KCNMB2: variants seen among roughly 807,000 people sequenced by gnomAD.
KCNMB2 encodes calcium-activated potassium channel subunit beta-2.
A neutral mutation model predicts 24.5 loss-of-function variants in KCNMB2; 9 were observed. That is an observed-to-expected ratio of 0.37 (90% CI 0.22 to 0.64). The LOEUF (loss-of-function observed/expected upper bound fraction) is 0.64. KCNMB2 is among the 30% of genes least tolerant of loss of function. The pLI, the probability that KCNMB2 is intolerant of heterozygous loss-of-function variation, is 0.63. For synonymous variants in KCNMB2, 109 were observed against 104.4 expected, an observed-to-expected ratio of 1.04 and a Z score of -0.27; for missense variants, 226 against 284.3, an observed-to-expected ratio of 0.79 and a Z score of 1.47.
chr3:178,635,722 T>C (rs1316830453), intron 1 of KCNMB2, among the ~76,000 whole-genome samples: 1 of 152,238 alleles, frequency 6.6e-6, no homozygotes, highest in African/African-American at 2.4e-5. Flanking sequence ...CTGTGTTTTC[T>C]TCACATACTA....
intron 1 of KCNMB2, among the ~76,000 whole-genome samples, chr3:178,557,329 G>A (rs1716159232): frequency 6.6e-6 from 1 of 152,046 alleles, no homozygotes; most frequent in South Asian, 2.1e-4. Flanking sequence ...CTGAGATGAG[G>A]GTAGTATAGT....
chr3:178,650,637 G>A (rs34931483), intron 1 of KCNMB2, among the ~76,000 whole-genome samples: 52,697 of 151,866 alleles, frequency 0.35, 9,628 homozygotes, highest in African/African-American at 0.46. Flanking sequence ...TATCCCTGAT[G>A]AACATTGATG....
At chr3:178,676,228 A>G (rs1721065856) in intron 1 of KCNMB2, among the ~76,000 whole-genome samples, 1 of 152,210 alleles carries the variant, frequency 6.6e-6, no homozygotes, top group Non-Finnish European at 1.5e-5. Context: ...GCATAAGTCC[A>G]GTCTCAGAGC....
intron 1 of KCNMB2, among the ~76,000 whole-genome samples, chr3:178,804,066 C>T (rs1218282236): frequency 6.6e-6 from 1 of 152,208 alleles, no homozygotes; most frequent in African/African-American, 2.4e-5. Context: ...GGTTTCCTCT[C>T]CTCACTGCCC....
chr3:178,602,250 C>T lies in KCNMB2; in HGVS notation c.-68+65539C>T, dbSNP rs188412902. On this transcript the variant is annotated intron_variant, in intron 1 of 4. Coordinates refer to ENST00000452583, the MANE Select transcript of KCNMB2 (RefSeq NM_181361.3). Reference sequence around the variant, plus strand: ...ACTATCTCCTATGCCTATAGAGCAGCATGAACCCAGAGGGATATAGGGCAG... The same window carrying T: ...ACTATCTCCTATGCCTATAGAGCAGTATGAACCCAGAGGGATATAGGGCAG... 3.7e-3 allele frequency among the ~76,000 whole-genome samples: 558 copies of T among 152,014 alleles called. 1 individual carries two copies. The highest frequency in any genetic ancestry group is 6.8e-3 in the Middle Eastern group (2 of 294).
intron 1 of KCNMB2, among the ~76,000 whole-genome samples, chr3:178,557,816 C>T (rs1716176196): frequency 6.6e-6 from 1 of 152,102 alleles, no homozygotes; most frequent in African/African-American, 2.4e-5. Flanking sequence ...TTATCTCACC[C>T]ACCATTTAAA....
chr3:178,731,597 C>CA (rs1723151558), intron 1 of KCNMB2, among the ~76,000 whole-genome samples: 2 of 152,106 alleles, frequency 1.3e-5, no homozygotes, highest in African/African-American at 4.8e-5. Flanking sequence ...GCAGTCCTGC[C>CA]AAAAAATTAA....
intron 1 of KCNMB2, among the ~76,000 whole-genome samples, chr3:178,695,235 C>A (rs1366597511): frequency 1.3e-5 from 2 of 152,228 alleles, no homozygotes; most frequent in African/African-American, 4.8e-5. Flanking sequence ...ACCAAGTCCC[C>A]ATGGCACAGA....
intron 1 of KCNMB2, among the ~76,000 whole-genome samples, chr3:178,699,908 G>A (rs755467069): frequency 6.6e-6 from 1 of 152,178 alleles, no homozygotes; most frequent in African/African-American, 2.4e-5. Flanking sequence ...GGTTCTAGAG[G>A]CCTGTGGCAA....
chr3:178,621,602 G>A (rs989346282), intron 1 of KCNMB2, among the ~76,000 whole-genome samples: 7 of 151,604 alleles, frequency 4.6e-5, no homozygotes, highest in Admixed American at 1.3e-4. Flanking sequence ...TTACTCCCTC[G>A]CAGCACCTTG....
intron 1 of KCNMB2, among the ~76,000 whole-genome samples, chr3:178,771,845 A>T (rs1173298494): frequency 6.6e-6 from 1 of 152,044 alleles, no homozygotes; most frequent in Non-Finnish European, 1.5e-5. Context: ...TTATTTATTT[A>T]TCTCATGGAC....
At chr3:178,701,079 T>C (rs1577108909) in intron 1 of KCNMB2, among the ~76,000 whole-genome samples, 1 of 152,234 alleles carries the variant, frequency 6.6e-6, no homozygotes, top group Non-Finnish European at 1.5e-5. Flanking sequence ...CTAAGGTTTT[T>C]ATGGTTTTAG....
At chr3:178,557,304 G>T (rs1395458509) in intron 1 of KCNMB2, among the ~76,000 whole-genome samples, 1 of 152,126 alleles carries the variant, frequency 6.6e-6, no homozygotes. Flanking sequence ...GGATGACAAA[G>T]GCTCTCTTTT....
At chr3:178,756,957 T>C (rs967325179) in intron 1 of KCNMB2, 23 of 151,350 alleles carry the variant, frequency 1.5e-4, no homozygotes, top group African/African-American at 2.2e-4. Context: ...AAGAGAAAAA[T>C]TGCCAAGAAA....
At chr3:178,804,912 A>C (rs1043448841) in intron 1 of KCNMB2, among the ~76,000 whole-genome samples, 1 of 152,268 alleles carries the variant, frequency 6.6e-6, no homozygotes. Context: ...CATTCAATTT[A>C]GATGAAAAGT....
intron 1 of KCNMB2, among the ~76,000 whole-genome samples, chr3:178,764,346 T>A (rs928167047): frequency 6.6e-6 from 1 of 152,190 alleles, no homozygotes; most frequent in Non-Finnish European, 1.5e-5. Context: ...ATGAACTATA[T>A]AGGACATAGG....
intron 1 of KCNMB2, among the ~76,000 whole-genome samples, chr3:178,652,922 C>T (rs1720183598): frequency 1.3e-5 from 2 of 152,112 alleles, no homozygotes; most frequent in Non-Finnish European, 2.9e-5. Context: ...CTCGGCCTCC[C>T]AAAGTGCTGA....
At chr3:178,758,043 T>TCCAAG (rs1159139202) in intron 1 of KCNMB2, among the ~76,000 whole-genome samples, 1 of 6,908 alleles carries the variant, frequency 1.4e-4, no homozygotes, top group Non-Finnish European at 2.5e-4. Context: ...TATATATATC[T>TCCAAG]AGATATATAT....
In KCNMB2 at chr3:178,573,021, A is replaced by AT. The variant is rs1042490041; in HGVS notation, c.-68+36323dup. On this transcript the variant is annotated intron_variant, in intron 1 of 4. Coordinates refer to ENST00000452583, the MANE Select transcript of KCNMB2 (RefSeq NM_181361.3). ...AAAATGTAAATACATTTGAGGAAGA[A>AT]TTTTTTTTTTTTTAGACAGAATCTG... 2.3e-3 allele frequency among the ~76,000 whole-genome samples: 334 copies of AT among 146,656 alleles called. 1 individual carries two copies. The highest frequency in any genetic ancestry group is 3.4e-3 in the Non-Finnish European group (223 of 66,164).
Sources: allele counts gnomAD v4.1 joint callset (sites outside exome capture counted in the v4.1 genomes callset), GRCh38; gene constraint gnomAD v4.1.1; transcripts MANE v1.5; gene names NCBI Gene and HGNC (gene_info 2026-07-23, HGNC 2026-07-21).